AACS: variants seen among roughly 807,000 people sequenced by gnomAD.
AACS encodes the protein acetoacetate-CoA ligase.
In AACS, 69 loss-of-function variants were observed where a neutral mutation model predicts 83.1. That is an observed-to-expected ratio of 0.83 (90% confidence interval 0.68 to 1.01). The LOEUF is 1.01. Ranked by LOEUF, AACS falls within the 50% of genes least tolerant of loss-of-function variation. The pLI is 0.00. For synonymous variants in AACS, 333 were observed against 343.4 expected (o/e 0.97, Z 0.33); for missense variants, 866 against 882.2 (o/e 0.98, Z 0.23).
At chr12:125,136,640 G>GC (rs745554893) in intron 16 of AACS, 22 bp from the exon 17 acceptor site, 32 of 1,609,370 alleles carry the variant, frequency 2.0e-5, no homozygotes, top group Middle Eastern at 2.0e-4. Context: ...GCGTGAATGT[G>GC]CACCCTCTCC....
chr12:125,099,566 C>A (rs543991286), intron 5 of AACS, among the ~76,000 whole-genome samples: 17 of 152,302 alleles, frequency 1.1e-4, no homozygotes, highest in Admixed American at 3.9e-4. Flanking sequence ...GTGATAAGGC[C>A]ACCCATGTCC....
chr12:125,080,654 G>GC (rs982501566), intron 3 of AACS, among the ~76,000 whole-genome samples: 1 of 150,660 alleles, frequency 6.6e-6, no homozygotes, highest in Non-Finnish European at 1.5e-5. Context: ...AAGTATTTGA[G>GC]CCCCCCCTTT....
rs575536966 is a variant in AACS, at chr12:125,134,046, C to T, written c.1593C>T (p.Thr531=). The change falls in exon 15 of 18, where the codon ACC becomes ACT. Residue 531 remains threonine (T), a synonymous_variant. Transcript: ENST00000316519. The part of the protein sequence containing the change: ...HGDYCRINPK[T]GGIVMLGRSD... ...ACTACTGCAGAATCAACCCCAAGAC[C>T]GGGGGCATCGTCATGCTTGGCCGGA... is the stretch of plus-strand genomic sequence containing the variant. The T allele has an allele frequency of 2.1e-5, 34 of 1,614,106 alleles. No homozygotes were observed. The highest frequency in any genetic ancestry group is 5.3e-5 in the African/African-American group (4 of 75,034).
rs1956750431 is a variant in AACS at position 125,103,036 on chromosome 12, A to T, written c.722A>T (p.Tyr241Phe). ...PDLKKVVVIP[Y>F]VSSRENIDLS... Reference sequence around the variant, plus strand: ...TTGAAGAAAGTGGTGGTGATTCCTTATGTGTCCTCCAGAGAGAACATAGAC... The same window carrying T: ...TTGAAGAAAGTGGTGGTGATTCCTTTTGTGTCCTCCAGAGAGAACATAGAC... The change falls in exon 7 of 18, where the codon TAT becomes TTT. Residue 241 changes from tyrosine to phenylalanine, a missense_variant. Coordinates refer to ENST00000316519, the MANE Select transcript of AACS (RefSeq NM_023928.5). The T allele has an allele frequency of 6.2e-7, 1 of 1,614,000 alleles. No individual in the cohort carries two copies.
At chr12:125,108,052 ATGTG>A (rs1437884467) in intron 8 of AACS, among the ~76,000 whole-genome samples, 1 of 152,132 alleles carries the variant, frequency 6.6e-6, no homozygotes, top group African/African-American at 2.4e-5. Context: ...ATGGAGCGGA[ATGTG>A]TGCACGTGCT....
Position 125,142,271 on chromosome 12 carries a change from CT to C in AACS, c.*43del. 6.3e-7 allele frequency: 1 copy of C among 1,598,430 alleles called. No homozygotes were observed. Among genetic ancestry groups the C allele is most frequent in the Non-Finnish European group, 8.5e-7 (1 of 1,170,360 alleles). On this transcript the variant is annotated 3_prime_UTR_variant, in exon 18 of 18. Transcript: ENST00000316519. Reference sequence around the variant, plus strand: ...TGTCACTCAGCCGCACCCGTGTGCACTGTAACTTTTGTGTGCTCAAGAAATT... The same window carrying C: ...TGTCACTCAGCCGCACCCGTGTGCACGTAACTTTTGTGTGCTCAAGAAATT...
At chr12:125,078,413 A>G (rs769918463) in intron 3 of AACS, 10 of 444,074 alleles carry the variant, frequency 2.3e-5, no homozygotes, top group Non-Finnish European at 4.1e-5. Flanking sequence ...CAGCCTTGAC[A>G]TGGTCATGGC....
At chr12:125,136,616 C>CTGCG (rs1372528081) in intron 16 of AACS, 46 bp from the exon 17 acceptor site, 1 of 1,575,604 alleles carries the variant, frequency 6.3e-7, no homozygotes. Flanking sequence ...CGACCCCACA[C>CTGCG]TGAGGGGCCC....
intron 5 of AACS, among the ~76,000 whole-genome samples, chr12:125,095,824 A>C (rs1956594015): frequency 6.6e-6 from 1 of 152,160 alleles, no homozygotes; most frequent in African/African-American, 2.4e-5. Context: ...TTCTGAGTGG[A>C]GCCAGCACAG....
chr12:125,084,552 C>T (rs1196105318), intron 3 of AACS, among the ~76,000 whole-genome samples: 1 of 150,824 alleles, frequency 6.6e-6, no homozygotes, highest in Non-Finnish European at 1.5e-5. Context: ...TACAGGTATA[C>T]ACCACCACGC....
At chr12:125,104,697 TC>T (rs1956794644) in intron 7 of AACS, among the ~76,000 whole-genome samples, 2 of 152,196 alleles carry the variant, frequency 1.3e-5, no homozygotes. Flanking sequence ...GGTCTCCAGA[TC>T]CGACTTGTCA....
At chr12:125,109,896 C>T (rs960969741) in intron 8 of AACS, among the ~76,000 whole-genome samples, 4 of 152,120 alleles carry the variant, frequency 2.6e-5, no homozygotes, top group African/African-American at 9.7e-5. Context: ...GGTGGGAACA[C>T]GCTGGAAATG....
Position 125,129,301 on chromosome 12 carries a change from T to C in AACS, c.1424-34T>C. On this transcript the variant is annotated intron_variant, in intron 13 of 17. Transcript: ENST00000316519. This position sits in a 1 kb window ranked among gnomAD's most constrained non-coding sequence, Gnocchi z 4.3. ...ACAGCCAGGGTGTGTGGCTGTGGTGTGTGTTGGGCTTATTTTTAATTCTCC... is the reference window on the plus strand; with the variant it reads ...ACAGCCAGGGTGTGTGGCTGTGGTGCGTGTTGGGCTTATTTTTAATTCTCC... 1 of 1,591,030 alleles carries C rather than the reference T, an allele frequency of 6.3e-7. No homozygotes were observed. The highest frequency in any genetic ancestry group is 2.3e-5 in the East Asian group (1 of 44,294).
In AACS at chr12:125,094,584, G is replaced by A. The variant is rs1352138454; in HGVS notation, c.570+3061G>A. Among the ~76,000 whole-genome samples the A allele has an allele frequency of 6.6e-6, 1 of 152,108 alleles. No individual in the cohort carries two copies. The highest frequency in any genetic ancestry group is 2.4e-5 in the African/African-American group (1 of 41,408). ...AGTGCTGGGGCATCCGTCTTTACTCGATGACACTGGGGGAACGCGTTTCTG... is the reference window on the plus strand; with the variant it reads ...AGTGCTGGGGCATCCGTCTTTACTCAATGACACTGGGGGAACGCGTTTCTG... On this transcript the variant is annotated intron_variant, in intron 5 of 17. Transcript: ENST00000316519. This position sits in a 1 kb window ranked among gnomAD's most constrained non-coding sequence, Gnocchi z 4.1.
chr12:125,137,761 T>C (rs1957420989), intron 17 of AACS, among the ~76,000 whole-genome samples: 1 of 152,188 alleles, frequency 6.6e-6, no homozygotes, highest in Admixed American at 6.5e-5. Flanking sequence ...TGTGTGTGTA[T>C]GTGAATGTAT....
At chr12:125,099,731 G>A (rs1434225156) in intron 5 of AACS, among the ~76,000 whole-genome samples, 1 of 152,154 alleles carries the variant, frequency 6.6e-6, no homozygotes, top group Non-Finnish European at 1.5e-5. Context: ...CTATCACCGA[G>A]GCCGCATGAT....
chr12:125,092,849 T>A (rs1956517902), intron 5 of AACS: 1 of 152,434 alleles, frequency 6.6e-6, no homozygotes, highest in Non-Finnish European at 1.5e-5. Flanking sequence ...GACTGGACAC[T>A]CAGACCCCTC....
Position 125,077,987 on chromosome 12 carries a change from G to T in AACS, c.358+1376G>T, listed in dbSNP as rs150463073. ...GGCCTCCTAAAGTGCTGGGATTACA[G>T]GCGTGAGCCACCATGCCCGGCCCCA... On this transcript the variant is annotated intron_variant, in intron 3 of 17. Coordinates refer to ENST00000316519, the MANE Select transcript of AACS (RefSeq NM_023928.5). The T allele has an allele frequency of 1.0e-2, 3,819 of 383,150 alleles. 32 individuals are homozygous for T. The highest frequency in any genetic ancestry group is 0.015 in the Non-Finnish European group (2,944 of 191,352). The allele number at this position is 383,150 out of a possible 1,614,324, so 23.7% of individuals were successfully genotyped here.
intron 1 of AACS, among the ~76,000 whole-genome samples, chr12:125,072,634 G>A (rs1001123564): frequency 2.0e-5 from 3 of 152,202 alleles, no homozygotes; most frequent in Non-Finnish European, 4.4e-5. Context: ...AAATTCTCCT[G>A]TCCCTAAGGA....
Sources: allele counts gnomAD v4.1 joint callset (sites outside exome capture counted in the v4.1 genomes callset), GRCh38; gene constraint gnomAD v4.1.1; non-coding constraint Gnocchi (gnomAD v3.1); transcripts MANE v1.5; gene names NCBI Gene and HGNC (gene_info 2026-07-23, HGNC 2026-07-21).